Variants in PSD2 observed in about 807,000 individuals in gnomAD.
PSD2 encodes pleckstrin and Sec7 domain containing 2, also known as PH and SEC7 domain-containing protein 2.
A neutral mutation model predicts 69.8 loss-of-function variants in PSD2; 38 were observed. The ratio of observed to expected loss-of-function variants is 0.54; its 90% CI spans 0.42 to 0.71. The LOEUF is 0.71. Among genes scored for constraint, PSD2 ranks in the 30% least tolerant of loss-of-function variants. The pLI is 0.00. For synonymous variants in PSD2, 412 were observed against 423.0 expected (o/e 0.97, Z 0.32); for missense variants, 943 against 1,014.5 (o/e 0.93, Z 0.96).
chr5:139,818,934 C>T (rs1337843043), intron 5 of PSD2, among the ~76,000 whole-genome samples: 1 of 152,108 alleles, frequency 6.6e-6, no homozygotes, highest in Non-Finnish European at 1.5e-5. Flanking sequence ...TCCATCTTTT[C>T]CATTATTTTC....
At chr5:139,819,051 T>A (rs2126946047) in intron 5 of PSD2, among the ~76,000 whole-genome samples, 1 of 152,354 alleles carries the variant, frequency 6.6e-6, no homozygotes, top group East Asian at 1.9e-4. Context: ...TGTCTCTTTT[T>A]TCTCTTGGTT....
At chr5:139,746,473 C>G in the PSD2 span, among the ~76,000 whole-genome samples, 19 of 152,188 alleles carry the variant, frequency 1.2e-4, no homozygotes, top group African/African-American at 4.3e-4. This position sits in a 1 kb window ranked among gnomAD's most constrained non-coding sequence, Gnocchi z 4.5. Flanking sequence ...CTGGGCCCGC[C>G]GAATGGGATC....
At chr5:139,803,407 C>A (rs990947285) in intron 1 of PSD2, among the ~76,000 whole-genome samples, 2 of 152,240 alleles carry the variant, frequency 1.3e-5, no homozygotes, top group Admixed American at 1.3e-4. Context: ...TGGTTCCTTG[C>A]AGCCCCCAGA....
intron 1 of PSD2, 99 bp downstream of exon 1, chr5:139,796,074 G>GTCGCCC (rs1759518526): frequency 6.6e-6 from 1 of 151,320 alleles, no homozygotes; most frequent in Admixed American, 6.6e-5. Flanking sequence ...GGTGGGGGGC[G>GTCGCCC]TCGCCCTCGC....
chr5:139,778,936 G>GA, the PSD2 span, among the ~76,000 whole-genome samples: 31 of 60,188 alleles, frequency 5.2e-4, no homozygotes, highest in African/African-American at 1.3e-3. Flanking sequence ...CTCAAAAAAA[G>GA]AAAAAAAACA....
chr5:139,818,183 AG>A (rs895260188), intron 5 of PSD2, among the ~76,000 whole-genome samples: 4 of 152,164 alleles, frequency 2.6e-5, no homozygotes, highest in African/African-American at 9.7e-5. Context: ...CTCAGAGCTA[AG>A]GGGTAGGGTG....
chr5:139,830,379 G>A (rs1372596531), intron 7 of PSD2, among the ~76,000 whole-genome samples: 18 of 131,766 alleles, frequency 1.4e-4, no homozygotes, highest in Non-Finnish European at 1.9e-4. Flanking sequence ...TTGAGACAGC[G>A]TCTCTCTGTT....
At chr5:139,791,545 C>T (rs1334426528), upstream of PSD2, among the ~76,000 whole-genome samples, 1 of 152,174 alleles carries the variant, frequency 6.6e-6, no homozygotes, top group Non-Finnish European at 1.5e-5. Context: ...CCACAGCTAA[C>T]ACTGTACTCA....
intron 2 of PSD2, among the ~76,000 whole-genome samples, chr5:139,810,966 T>TG (rs1449504095): frequency 2.6e-5 from 4 of 151,722 alleles, no homozygotes; most frequent in Non-Finnish European, 5.9e-5. Context: ...GGGTGGGAGA[T>TG]GGGGGGTCCA....
the PSD2 span, among the ~76,000 whole-genome samples, chr5:139,788,120 G>A: frequency 3.3e-5 from 5 of 152,176 alleles, no homozygotes; most frequent in East Asian, 1.9e-4. Flanking sequence ...TGGGACGCGG[G>A]GAGTCTGGAA....
chr5:139,782,693 G>A, the PSD2 span, among the ~76,000 whole-genome samples: 4 of 149,324 alleles, frequency 2.7e-5, no homozygotes, highest in East Asian at 4.0e-4. Context: ...GGGTTTCACC[G>A]TGTTGCCCAG....
At chr5:139,782,708 G>A in the PSD2 span, among the ~76,000 whole-genome samples, 52 of 151,912 alleles carry the variant, frequency 3.4e-4, 1 homozygote, top group East Asian at 4.6e-3. Context: ...GCCCAGGCTG[G>A]TCTCGAACTC....
chr5:139,775,633 C>A, the PSD2 span, among the ~76,000 whole-genome samples: 1 of 152,128 alleles, frequency 6.6e-6, no homozygotes, highest in African/African-American at 2.4e-5. Flanking sequence ...AACTCATCTG[C>A]AGGGGAGGGA....
chr5:139,744,500 C>T, the PSD2 span, among the ~76,000 whole-genome samples: 1 of 152,224 alleles, frequency 6.6e-6, no homozygotes, highest in Non-Finnish European at 1.5e-5. Context: ...CGCCTGCTCG[C>T]CTGTAGAGCT....
the PSD2 span, among the ~76,000 whole-genome samples, chr5:139,780,421 C>T: frequency 6.6e-6 from 1 of 152,076 alleles, no homozygotes; most frequent in African/African-American, 2.4e-5. Context: ...TTCATTTGTC[C>T]TCATTAAATT....
chr5:139,760,590 G>A, the PSD2 span, among the ~76,000 whole-genome samples: 10 of 152,170 alleles, frequency 6.6e-5, no homozygotes, highest in Non-Finnish European at 1.2e-4. Flanking sequence ...CCTTGGATGC[G>A]CTGGCTGGCT....
chr5:139,806,453 T>TG (rs993971836), intron 1 of PSD2, among the ~76,000 whole-genome samples: 6 of 152,236 alleles, frequency 3.9e-5, no homozygotes, highest in Non-Finnish European at 5.9e-5. Flanking sequence ...AGCTACGCTG[T>TG]GGGGCCTCAG....
intron 7 of PSD2, 79 bp from the exon 8 acceptor site, chr5:139,833,623 T>A: frequency 1.0e-6 from 1 of 973,664 alleles, no homozygotes; most frequent in Non-Finnish European, 1.7e-6. Context: ...CTCATCCCTC[T>A]GGCTGGGCAG....
In PSD2 at chr5:139,813,591, G is replaced by T. The variant is rs1760032100; in HGVS notation, c.654G>T (p.Leu218=). 3 of 1,613,824 alleles carry T rather than the reference G, an allele frequency of 1.9e-6. No individual in the cohort carries two copies. The highest frequency in any genetic ancestry group is 2.5e-6 in the Non-Finnish European group (3 of 1,179,824). ...GGGCAGCTGGTGGTGATGGGGAGCTGGGCAGCCCCCTGCGGCGCTCCATCT... is the reference window on the plus strand; with the variant it reads ...GGGCAGCTGGTGGTGATGGGGAGCTTGGCAGCCCCCTGCGGCGCTCCATCT... ...DMGAAGGDGE[L]GSPLRRSISS... The change falls in exon 3 of 15, where the codon CTG becomes CTT. Residue 218 remains leucine, a synonymous_variant. Coordinates refer to ENST00000274710, the MANE Select transcript of PSD2 (RefSeq NM_032289.4).
Sources: allele counts gnomAD v4.1 joint callset (sites outside exome capture counted in the v4.1 genomes callset), GRCh38; gene constraint gnomAD v4.1.1; non-coding constraint Gnocchi (gnomAD v3.1); transcripts MANE v1.5; gene names NCBI Gene and HGNC (gene_info 2026-07-23, HGNC 2026-07-21).